Variants in NBEA observed in about 807,000 individuals in gnomAD.
NBEA encodes lysosomal-trafficking regulator 2.
A neutral mutation model predicts 343.4 loss-of-function variants in NBEA; 44 were observed. The ratio of observed to expected loss-of-function variants is 0.13; its 90% confidence interval spans 0.10 to 0.16. The LOEUF (loss-of-function observed/expected upper bound fraction) is 0.16. Ranked by LOEUF, NBEA falls within the 10% of genes least tolerant of loss-of-function variation. The pLI is 1.00. For missense variants in NBEA, 2,555 were observed against 3,631.3 expected (o/e 0.70, Z 7.62); for synonymous variants, 1,175 against 1,238.7 (o/e 0.95, Z 1.08).
intron 38 of NBEA, among the ~76,000 whole-genome samples, chr13:35,370,462 A>G (rs978686541): frequency 3.3e-5 from 5 of 151,954 alleles, no homozygotes; most frequent in African/African-American, 4.8e-5. Context: ...AGCAGCATAT[A>G]GTTGAGTCAT....
chr13:35,058,705 T>C lies in NBEA; in HGVS notation c.1093-12T>C. 6.4e-7 allele frequency: 1 copy of C among 1,560,540 alleles called. No homozygotes were observed. The highest frequency in any genetic ancestry group is 1.2e-5 in the South Asian group (1 of 84,748). On this transcript the variant is annotated splice_polypyrimidine_tract_variant and intron_variant, in intron 7 of 58. Transcript: ENST00000379939. Reference sequence around the variant, plus strand: ...AAAATAATGCATTTTTCTTTATTACTTTTAAAAATAGAGCTATGACAAGTG... The same window carrying C: ...AAAATAATGCATTTTTCTTTATTACCTTTAAAAATAGAGCTATGACAAGTG...
At chr13:35,396,568 G>C (rs1273458935) in intron 38 of NBEA, among the ~76,000 whole-genome samples, 1 of 151,976 alleles carries the variant, frequency 6.6e-6, no homozygotes, top group Non-Finnish European at 1.5e-5. Flanking sequence ...TTCATTTGTA[G>C]CTTATCAGAC....
chr13:35,469,510 A>G (rs1214440559), intron 40 of NBEA, among the ~76,000 whole-genome samples: 1 of 152,196 alleles, frequency 6.6e-6, no homozygotes, highest in Non-Finnish European at 1.5e-5. Flanking sequence ...AATAACATTT[A>G]TATTTTCCTT....
intron 41 of NBEA, among the ~76,000 whole-genome samples, chr13:35,516,821 TA>T (rs1187640248): frequency 6.6e-6 from 1 of 152,222 alleles, no homozygotes; most frequent in Non-Finnish European, 1.5e-5. Context: ...ATATATTATC[TA>T]ACTTAACATA....
chr13:35,668,568 G>C, intron 58 of NBEA, 49 bp downstream of exon 58: 1 of 1,490,636 alleles, frequency 6.7e-7, no homozygotes, highest in East Asian at 2.4e-5. Context: ...GTCATTGAAG[G>C]CTCTCTTCAT....
intron 44 of NBEA, among the ~76,000 whole-genome samples, chr13:35,561,940 T>C (rs967776786): frequency 6.6e-6 from 1 of 152,112 alleles, no homozygotes; most frequent in Non-Finnish European, 1.5e-5. Context: ...ATGTTCATTA[T>C]AGAAAATTGG....
intron 40 of NBEA, among the ~76,000 whole-genome samples, chr13:35,467,806 G>T (rs1400518532): frequency 6.6e-6 from 1 of 152,110 alleles, no homozygotes; most frequent in Non-Finnish European, 1.5e-5. Context: ...TGAAGCTGAA[G>T]AAAATCCATA....
intron 1 of NBEA, among the ~76,000 whole-genome samples, chr13:35,011,814 G>T (rs2061501230): frequency 6.6e-6 from 1 of 152,266 alleles, no homozygotes; most frequent in Non-Finnish European, 1.5e-5. Flanking sequence ...ACTCACAGGT[G>T]TGCTATTGCA....
At chr13:35,420,360 T>C (rs2044194422) in intron 38 of NBEA, among the ~76,000 whole-genome samples, 1 of 152,052 alleles carries the variant, frequency 6.6e-6, no homozygotes, top group Admixed American at 6.6e-5. Flanking sequence ...TCAAATATCT[T>C]TTATAATGAC....
At chr13:35,575,820 C>T (rs956804394) in intron 45 of NBEA, among the ~76,000 whole-genome samples, 1 of 152,114 alleles carries the variant, frequency 6.6e-6, no homozygotes, top group Non-Finnish European at 1.5e-5. Flanking sequence ...CCACACAGTA[C>T]ATCTGATTCT....
rs146096854 is a variant in NBEA, at chr13:35,547,803, C to T, written c.6586-2674C>T. On this transcript the variant is annotated intron_variant, in intron 41 of 58. Transcript: ENST00000379939. ...ACTTGAGAGGCTGAAGCAGGAGAAT[C>T]GCTTGAACACAGGAGGTGGAGGTCG... Among the ~76,000 whole-genome samples, 305 of 152,064 alleles carry T rather than the reference C, an allele frequency of 2.0e-3. 1 individual carries two copies. The highest frequency in any genetic ancestry group is 7.1e-3 in the African/African-American group (295 of 41,488).
At chr13:35,661,920 G>A (rs2085109210) in intron 55 of NBEA, among the ~76,000 whole-genome samples, 1 of 152,076 alleles carries the variant, frequency 6.6e-6, no homozygotes, top group Non-Finnish European at 1.5e-5. Flanking sequence ...TCACTGTGCA[G>A]CGGAGGTCTT....
chr13:35,055,958 G>A (rs1290474305), intron 6 of NBEA, 52 bp from the exon 7 acceptor site: 50 of 1,417,208 alleles, frequency 3.5e-5, no homozygotes, highest in Non-Finnish European at 4.5e-5. Flanking sequence ...TTGCATTTTA[G>A]ACTGTAACAA....
intron 45 of NBEA, among the ~76,000 whole-genome samples, chr13:35,571,593 T>C (rs1330993178): frequency 6.6e-6 from 1 of 152,186 alleles, no homozygotes; most frequent in Non-Finnish European, 1.5e-5. Flanking sequence ...GAAGTGGCAT[T>C]CAGTGAGTGG....
chr13:35,392,510 T>C (rs1001238680), intron 38 of NBEA, among the ~76,000 whole-genome samples: 4 of 151,270 alleles, frequency 2.6e-5, no homozygotes, highest in Admixed American at 1.3e-4. Context: ...TTTATCCCAC[T>C]TAGAGTCAAT....
chr13:35,168,860 TAATC>T, intron 24 of NBEA, 123 bp from the exon 25 acceptor site: 4 of 599,732 alleles, frequency 6.7e-6, no homozygotes, highest in East Asian at 3.7e-5. Context: ...TTTAATAAAA[TAATC>T]AAATATAATT....
Position 35,040,978 on chromosome 13 carries a change from G to C in NBEA, c.340G>C (p.Asp114His). The change falls in exon 2 of 59, where the codon GAT (aspartate) becomes CAT (histidine). Residue 114 changes from aspartate (D) to histidine (H), a missense_variant. Physicochemically the swap from Asp to His is moderately conservative, Grantham distance 81. Transcript: ENST00000379939. ...FDLEMNFIIQ[D>H]AESITCMTEL... ...CTTGGAGATGAACTTTATTATCCAG[G>C]ATGCTGAGAGTATAACATGTATGAC... is the stretch of plus-strand genomic sequence containing the variant. The C allele has an allele frequency of 6.2e-7, 1 of 1,613,122 alleles. No homozygotes were observed.
At chr13:35,557,300 A>G (rs145022818) in intron 44 of NBEA, among the ~76,000 whole-genome samples, 4 of 152,222 alleles carry the variant, frequency 2.6e-5, no homozygotes, top group African/African-American at 9.6e-5. Flanking sequence ...TACCACCTAT[A>G]ACTACCACCC....
At chr13:35,426,910 TC>T (rs1486534144) in intron 38 of NBEA, among the ~76,000 whole-genome samples, 1 of 152,112 alleles carries the variant, frequency 6.6e-6, no homozygotes, top group African/African-American at 2.4e-5. Flanking sequence ...ATCGCTTTCT[TC>T]CAGTTGATCG....
Sources: allele counts gnomAD v4.1 joint callset (sites outside exome capture counted in the v4.1 genomes callset), GRCh38; gene constraint gnomAD v4.1.1; transcripts MANE v1.5; gene names NCBI Gene and HGNC (gene_info 2026-07-23, HGNC 2026-07-21).